The following ADAMTSL1 variants were observed in gnomAD, a reference collection of about 807,000 sequenced individuals.
ADAMTSL1 encodes the protein ADAMTS like 1.
ADAMTSL1 carries 126 observed loss-of-function variants against 201.8 expected under a neutral mutation model. The ratio of observed to expected loss-of-function variants is 0.62; its 90% CI spans 0.54 to 0.72. ADAMTSL1 has a LOEUF of 0.72. Ranked by LOEUF, ADAMTSL1 falls within the 30% of genes least tolerant of loss-of-function variation. The pLI, the probability that ADAMTSL1 is intolerant of heterozygous loss-of-function variation, is 0.00. For missense variants in ADAMTSL1, 2,679 were observed against 2,277.8 expected (o/e 1.18, Z -3.59); for synonymous variants, 1,121 against 903.4 (o/e 1.24, Z -4.32).
intron 16 of ADAMTSL1, among the ~76,000 whole-genome samples, chr9:18,763,638 A>G (rs1394537447): frequency 6.6e-6 from 1 of 152,006 alleles, no homozygotes; most frequent in Admixed American, 6.6e-5. Flanking sequence ...TTAAGTCTTT[A>G]ATTCATTTTA....
intron 1 of ADAMTSL1, among the ~76,000 whole-genome samples, chr9:18,146,378 T>C (rs1826642237): frequency 6.6e-6 from 1 of 152,186 alleles, no homozygotes; most frequent in South Asian, 2.1e-4. Context: ...TGAAATACTA[T>C]TCAGCAATAA....
chr9:18,152,575 A>G (rs916598160), intron 1 of ADAMTSL1, among the ~76,000 whole-genome samples: 1 of 151,984 alleles, frequency 6.6e-6, no homozygotes, highest in Non-Finnish European at 1.5e-5. Flanking sequence ...GGACCCCCCA[A>G]ATGAGAAACC....
At chr9:18,714,672 A>G (rs996051913) in intron 14 of ADAMTSL1, among the ~76,000 whole-genome samples, 7 of 151,194 alleles carry the variant, frequency 4.6e-5, no homozygotes, top group Non-Finnish European at 7.4e-5. Context: ...CAGAGGTACA[A>G]GGAGGAACTG....
intron 2 of ADAMTSL1, among the ~76,000 whole-genome samples, chr9:18,513,432 A>G (rs933724841): frequency 6.6e-6 from 1 of 152,230 alleles, no homozygotes; most frequent in African/African-American, 2.4e-5. Context: ...TATTTCACTC[A>G]GGATAATGGC....
chr9:18,438,282 A>C (rs1334434094), intron 2 of ADAMTSL1, among the ~76,000 whole-genome samples: 2 of 152,122 alleles, frequency 1.3e-5, no homozygotes, highest in Non-Finnish European at 2.9e-5. Context: ...AAGACTATCA[A>C]CAGAACTTGT....
chr9:18,255,363 A>G (rs948822511), intron 2 of ADAMTSL1, among the ~76,000 whole-genome samples: 1 of 152,080 alleles, frequency 6.6e-6, no homozygotes, highest in Non-Finnish European at 1.5e-5. Flanking sequence ...TAGAAAAAAA[A>G]AAAGAATGAG....
At chr9:18,163,811 A>T (rs1180241497) in intron 1 of ADAMTSL1, 4 of 151,996 alleles carry the variant, frequency 2.6e-5, no homozygotes. Flanking sequence ...ACAGTGCCCA[A>T]TCCCTCCAGG....
intron 27 of ADAMTSL1, 146 bp downstream of exon 27, chr9:18,906,037 G>C (rs1482740410): frequency 1.4e-6 from 1 of 703,882 alleles, no homozygotes; most frequent in African/African-American, 1.8e-5. Flanking sequence ...CAAGCCACTG[G>C]CCTCCCCAGA....
chr9:18,207,877 T>TAA lies in ADAMTSL1; in HGVS notation c.207+43904_207+43905dup, dbSNP rs71333032. Among the ~76,000 whole-genome samples the TAA allele has an allele frequency of 2.4e-4, 37 of 151,120 alleles. No individual in the cohort carries two copies. The East Asian group carries it at 6.0e-3, about 25-fold the overall frequency. ...CTAAGAGGATATAAATATAGAGTAC[T>TAA]AAAAAAAAACAAGATAGAATAAGTA... On this transcript the variant is annotated intron_variant, in intron 2 of 29. Transcript: ENST00000680146.
At chr9:17,979,958 A>C (rs1818620716) in intron 1 of ADAMTSL1, among the ~76,000 whole-genome samples, 1 of 152,058 alleles carries the variant, frequency 6.6e-6, no homozygotes, top group Non-Finnish European at 1.5e-5. Flanking sequence ...GGCTAACATG[A>C]AGCTTGGAAC....
intron 2 of ADAMTSL1, among the ~76,000 whole-genome samples, chr9:18,399,280 CATAT>C (rs561622408): frequency 0.11 from 3,219 of 30,468 alleles, 125 homozygotes; most frequent in Admixed American, 0.14. Flanking sequence ...GTCTGCTTTA[CATAT>C]ATATATATAT....
intron 1 of ADAMTSL1, among the ~76,000 whole-genome samples, chr9:18,046,437 G>A (rs1821662343): frequency 6.6e-6 from 1 of 152,236 alleles, no homozygotes; most frequent in Middle Eastern, 3.4e-3. Flanking sequence ...GCCCTTTCCT[G>A]TTAAGGACAT....
At chr9:18,447,202 T>A (rs144115760) in intron 2 of ADAMTSL1, among the ~76,000 whole-genome samples, 1 of 152,124 alleles carries the variant, frequency 6.6e-6, no homozygotes, top group South Asian at 2.1e-4. Flanking sequence ...GTAATGAAAG[T>A]CAGTGTGCAT....
chr9:18,235,805 C>G (rs896451069), intron 2 of ADAMTSL1, among the ~76,000 whole-genome samples: 23 of 152,240 alleles, frequency 1.5e-4, no homozygotes, highest in African/African-American at 5.5e-4. Flanking sequence ...GTAGAAAGGC[C>G]AAGCTGAAGG....
At chr9:18,381,161 G>A (rs1234609843) in intron 2 of ADAMTSL1, among the ~76,000 whole-genome samples, 1 of 152,170 alleles carries the variant, frequency 6.6e-6, no homozygotes, top group Non-Finnish European at 1.5e-5. Context: ...TTTAAATAAT[G>A]ATGCTTACAT....
chr9:17,975,294 A>C (rs1468327064), intron 1 of ADAMTSL1, among the ~76,000 whole-genome samples: 1 of 152,046 alleles, frequency 6.6e-6, no homozygotes, highest in African/African-American at 2.4e-5. Flanking sequence ...GTTATAACAA[A>C]ATATCATAAG....
intron 1 of ADAMTSL1, among the ~76,000 whole-genome samples, chr9:18,153,272 C>T (rs921451006): frequency 6.6e-6 from 1 of 152,018 alleles, no homozygotes; most frequent in Non-Finnish European, 1.5e-5. Flanking sequence ...AAGAAATCTA[C>T]ATTTTAATCT....
At position 18,427,511 on chromosome 9, in the gene ADAMTSL1, G is replaced by C. The variant is rs16936680; in HGVS notation, c.208-77318G>C. On this transcript the variant is annotated intron_variant, in intron 2 of 29. Coordinates refer to the ADAMTSL1 transcript ENST00000680146. The stretch of plus-strand genomic sequence containing the variant: ...TATAGGAAGTTGATAAAGCAACAAT[G>C]GCAAAAGGAAAGAGAAATTTTTTTA... Among the ~76,000 whole-genome samples, 653 of 152,306 alleles carry C rather than the reference G, an allele frequency of 4.3e-3. 5 individuals carry two copies. Among genetic ancestry groups the C allele is most frequent in the African/African-American group, 0.015 (621 of 41,580 alleles).
At position 18,098,801 on chromosome 9, in the gene ADAMTSL1, C is replaced by G. The variant is rs2062724876; in HGVS notation, c.88-65061C>G. ...CCAGCCAATTCACCTACTTTGAATT[C>G]TGATCCATGCATTGTAATCTCATCA... On this transcript the variant is annotated intron_variant, in intron 1 of 29. Coordinates refer to the ADAMTSL1 transcript ENST00000680146. Among the ~76,000 whole-genome samples the G allele has an allele frequency of 2.0e-5, 3 of 152,150 alleles. No individual in the cohort carries two copies. The South Asian group carries it at 6.2e-4, about 31-fold the overall frequency.
Sources: allele counts gnomAD v4.1 joint callset (sites outside exome capture counted in the v4.1 genomes callset), GRCh38; gene constraint gnomAD v4.1.1; transcripts MANE v1.5; gene names NCBI Gene and HGNC (gene_info 2026-07-23, HGNC 2026-07-21).